The following REEP3 variants were observed in gnomAD, a reference collection of about 807,000 sequenced individuals.
The protein encoded by REEP3 is receptor accessory protein 3.
Under a neutral mutation model 41.3 loss-of-function variants are expected in REEP3, and 20 were observed. The ratio of observed to expected loss-of-function variants is 0.48; its 90% CI spans 0.34 to 0.70. The LOEUF is 0.70. Among genes scored for constraint, REEP3 ranks in the 30% least tolerant of loss-of-function variants. The pLI, the probability that REEP3 is intolerant of heterozygous loss-of-function variation, is 0.01. For missense variants in REEP3, 271 were observed against 308.8 expected, an observed-to-expected ratio of 0.88 and a Z score of 0.92; for synonymous variants, 104 against 101.8, an observed-to-expected ratio of 1.02 and a Z score of -0.13.
chr10:63,619,670 T>C lies in REEP3; in HGVS notation c.581T>C (p.Leu194Pro). 6.2e-7 allele frequency: 1 copy of C among 1,602,212 alleles called. No individual in the cohort carries two copies. Among genetic ancestry groups the C allele is most frequent in the Non-Finnish European group, 8.5e-7 (1 of 1,174,070 alleles). The change falls in exon 7 of 8, where the codon CTG (leucine) becomes CCG (proline). Residue 194 changes from leucine (L) to proline (P), a missense_variant. By Grantham distance (98) the Leu-to-Pro change is moderately conservative (BLOSUM62 -3). Coordinates refer to ENST00000373758, the MANE Select transcript of REEP3 (RefSeq NM_001001330.3). ...ACTTGTTTAGGTTATGGAATTCCAC[T>C]GAAAGACGGAGATGAGAAAACAGAT... ...PSESAGYGIP[L>P]KDGDEKTDEE...
At chr10:63,570,078 G>T (rs965532684) in intron 2 of REEP3, among the ~76,000 whole-genome samples, 10 of 151,918 alleles carry the variant, frequency 6.6e-5, no homozygotes, top group African/African-American at 2.2e-4. Context: ...TTAAAAAAAA[G>T]AATTTGTGTG....
intron 1 of REEP3, among the ~76,000 whole-genome samples, chr10:63,554,587 A>G (rs1955660296): frequency 6.6e-6 from 1 of 152,190 alleles, no homozygotes; most frequent in Non-Finnish European, 1.5e-5. Context: ...AACACTTGCT[A>G]TGTGCTTAAT....
intron 4 of REEP3, 88 bp downstream of exon 4, chr10:63,598,232 C>T (rs1956135038): frequency 2.2e-6 from 2 of 913,778 alleles, no homozygotes; most frequent in African/African-American, 1.7e-5. Flanking sequence ...GTAATCCCAG[C>T]ACTTTGGGAG....
chr10:63,540,744 TTTTTG>T (rs927781444), intron 1 of REEP3, among the ~76,000 whole-genome samples: 3 of 152,108 alleles, frequency 2.0e-5, no homozygotes, highest in Non-Finnish European at 2.9e-5. Flanking sequence ...ATTTAAAGGT[TTTTTG>T]TTTTGTTTTG....
At chr10:63,565,126 G>A (rs1203519333) in intron 1 of REEP3, among the ~76,000 whole-genome samples, 1 of 151,986 alleles carries the variant, frequency 6.6e-6, no homozygotes, top group East Asian at 1.9e-4. Flanking sequence ...CGGGCATAGT[G>A]GCACACACCT....
chr10:63,523,058 G>C lies in REEP3; in HGVS notation c.32+1481G>C, dbSNP rs528871012. ...AAAAGCCTCTGGATTTCTTTGACCAGTTCTTCAGCTGACAGAAAATTGTGA... is the reference window on the plus strand; with the variant it reads ...AAAAGCCTCTGGATTTCTTTGACCACTTCTTCAGCTGACAGAAAATTGTGA... On this transcript the variant is annotated intron_variant, in intron 1 of 7. Transcript: ENST00000373758. Among the ~76,000 whole-genome samples the C allele has an allele frequency of 3.4e-5, 5 of 148,970 alleles. No homozygotes were observed. In the South Asian group the frequency reaches 1.0e-3, roughly 31 times the overall value.
chr10:63,620,274 A>G (rs193141584), intron 7 of REEP3, among the ~76,000 whole-genome samples: 165 of 152,310 alleles, frequency 1.1e-3, no homozygotes, highest in African/African-American at 3.6e-3. Flanking sequence ...TCAATGTATC[A>G]GGATATCAGG....
intron 1 of REEP3, among the ~76,000 whole-genome samples, chr10:63,536,178 A>G (rs1268393406): frequency 6.6e-6 from 1 of 152,252 alleles, no homozygotes; most frequent in Admixed American, 6.5e-5. Context: ...ACAGCTGCCA[A>G]GTAGCAAAGC....
At chr10:63,577,950 A>G (rs997934474) in intron 2 of REEP3, among the ~76,000 whole-genome samples, 5 of 151,984 alleles carry the variant, frequency 3.3e-5, no homozygotes, top group Non-Finnish European at 7.4e-5. Context: ...TTTAAAAATC[A>G]CTTTACTGTT....
chr10:63,580,842 A>C (rs181322130), intron 2 of REEP3, among the ~76,000 whole-genome samples: 5 of 152,076 alleles, frequency 3.3e-5, no homozygotes, highest in African/African-American at 1.2e-4. Flanking sequence ...GCAAGACCCT[A>C]CCTCTACAAA....
Position 63,527,668 on chromosome 10 carries a change from G to A in REEP3, c.32+6091G>A, listed in dbSNP as rs564050238. Among the ~76,000 whole-genome samples the A allele has an allele frequency of 5.3e-5, 8 of 151,898 alleles. No homozygotes were observed. In the East Asian group the frequency reaches 1.4e-3, roughly 26 times the overall value. On this transcript the variant is annotated intron_variant, in intron 1 of 7. Coordinates refer to ENST00000373758, the MANE Select transcript of REEP3 (RefSeq NM_001001330.3). ...TGCACTCCAGCCTGGGCAACAGAGT[G>A]AGACCTTGTCTCAAAAAAAAAAGAA...
intron 5 of REEP3, among the ~76,000 whole-genome samples, chr10:63,600,169 T>G (rs1228867814): frequency 6.6e-6 from 1 of 152,140 alleles, no homozygotes; most frequent in Admixed American, 6.5e-5. Context: ...TATCTTGAAC[T>G]AAAACAACTC....
chr10:63,554,415 T>C (rs1171397178), intron 1 of REEP3, among the ~76,000 whole-genome samples: 1 of 152,212 alleles, frequency 6.6e-6, no homozygotes, highest in Non-Finnish European at 1.5e-5. Context: ...GAATTACAAT[T>C]GTTTAGAGAA....
At chr10:63,560,364 A>G (rs1254561132) in intron 1 of REEP3, among the ~76,000 whole-genome samples, 2 of 152,180 alleles carry the variant, frequency 1.3e-5, no homozygotes, top group Non-Finnish European at 2.9e-5. Flanking sequence ...TTCTTAAAGC[A>G]TTTGAGAGAT....
At chr10:63,576,098 T>C (rs1955896617) in intron 2 of REEP3, among the ~76,000 whole-genome samples, 1 of 152,198 alleles carries the variant, frequency 6.6e-6, no homozygotes, top group African/African-American at 2.4e-5. Flanking sequence ...TCAGCTTCTG[T>C]TTTTCATGTA....
At chr10:63,573,957 T>C (rs1955875908) in intron 2 of REEP3, among the ~76,000 whole-genome samples, 1 of 152,208 alleles carries the variant, frequency 6.6e-6, no homozygotes, top group South Asian at 2.1e-4. Flanking sequence ...GTGTATTTTC[T>C]ATTCTAATTT....
At chr10:63,561,889 C>CT (rs1446000942) in intron 1 of REEP3, among the ~76,000 whole-genome samples, 11 of 152,216 alleles carry the variant, frequency 7.2e-5, no homozygotes, top group African/African-American at 2.4e-4. Context: ...TCTGATGATA[C>CT]TAGATTGTAT....
At chr10:63,546,918 C>T (rs1003258712) in intron 1 of REEP3, among the ~76,000 whole-genome samples, 5 of 151,826 alleles carry the variant, frequency 3.3e-5, no homozygotes, top group African/African-American at 1.2e-4. Context: ...TAGAAAACTT[C>T]TTCGTGACTT....
chr10:63,615,212 C>T (rs905839371), intron 6 of REEP3, among the ~76,000 whole-genome samples: 2 of 152,030 alleles, frequency 1.3e-5, no homozygotes, highest in Non-Finnish European at 2.9e-5. Context: ...TGAGCTTTTT[C>T]GTTTGTTGTT....
Sources: allele counts gnomAD v4.1 joint callset (sites outside exome capture counted in the v4.1 genomes callset), GRCh38; gene constraint gnomAD v4.1.1; transcripts MANE v1.5; gene names NCBI Gene and HGNC (gene_info 2026-07-23, HGNC 2026-07-21).